Variants in PTPN3 observed in about 807,000 individuals in gnomAD.
The protein encoded by PTPN3 is tyrosine-protein phosphatase non-receptor type 3.
PTPN3 carries 96 observed loss-of-function variants against 132.7 expected under a neutral mutation model. The observed-to-expected ratio is 0.72, with a 90% CI of 0.61 to 0.86. PTPN3 has a LOEUF of 0.86. Among genes scored for constraint, PTPN3 ranks in the 40% least tolerant of loss-of-function variants. The probability of loss-of-function intolerance (pLI) is 0.00; values close to 1 mark genes in which losing one functional copy is unlikely to be tolerated. For synonymous variants in PTPN3, 398 were observed against 429.0 expected, an observed-to-expected ratio of 0.93 and a Z score of 0.89; for missense variants, 1,125 against 1,159.6, an observed-to-expected ratio of 0.97 and a Z score of 0.43.
chr9:109,458,719 A>G (rs1447563664), intron 2 of PTPN3, among the ~76,000 whole-genome samples: 2 of 152,170 alleles, frequency 1.3e-5, no homozygotes, highest in Non-Finnish European at 2.9e-5. Flanking sequence ...CCAGGGCACC[A>G]TCCATCAGAA....
chr9:109,479,689 C>T (rs1846867271), intron 1 of PTPN3, among the ~76,000 whole-genome samples: 1 of 152,176 alleles, frequency 6.6e-6, no homozygotes, highest in South Asian at 2.1e-4. Context: ...AATGGATCTT[C>T]CCATCTCAGC....
the PTPN3 span, among the ~76,000 whole-genome samples, chr9:109,513,255 A>G: frequency 1.3e-5 from 2 of 152,154 alleles, no homozygotes; most frequent in East Asian, 3.9e-4. Flanking sequence ...CCTGGCCTCA[A>G]ATGATCCTCC....
At chr9:109,476,406 G>A (rs1412380877) in intron 1 of PTPN3, among the ~76,000 whole-genome samples, 3 of 151,768 alleles carry the variant, frequency 2.0e-5, no homozygotes, top group East Asian at 1.9e-4. Flanking sequence ...CAAAAGGAAT[G>A]TATAATTGCT....
In PTPN3 at chr9:109,498,051, C is replaced by A. The variant is rs1847761193; in HGVS notation, c.-18+168G>T. Reference sequence around the variant, plus strand: ...TGAGCGCAGCGGGGCGCCCCCTCCCCGCCCCGACGTGGTGCGGGGATCCCG... The same window carrying A: ...TGAGCGCAGCGGGGCGCCCCCTCCCAGCCCCGACGTGGTGCGGGGATCCCG... On this transcript the variant is annotated intron_variant, in intron 1 of 25. Transcript: ENST00000374541. The surrounding 1 kb of genome is among the most constrained non-coding windows in gnomAD (Gnocchi z 4.2). Among the ~76,000 whole-genome samples the A allele has an allele frequency of 6.9e-6, 1 of 145,584 alleles. No homozygotes were observed. Among genetic ancestry groups the A allele is most frequent in the African/African-American group, 2.5e-5 (1 of 40,682 alleles).
chr9:109,472,002 C>T (rs1588482462), intron 1 of PTPN3, among the ~76,000 whole-genome samples: 1 of 152,160 alleles, frequency 6.6e-6, no homozygotes, highest in Admixed American at 6.5e-5. Context: ...CAAGTCACCT[C>T]CCAGAGCTAA....
intron 22 of PTPN3, among the ~76,000 whole-genome samples, chr9:109,387,955 T>C (rs1839740241): frequency 6.6e-6 from 1 of 152,148 alleles, no homozygotes; most frequent in South Asian, 2.1e-4. Flanking sequence ...TGGGGAAGTG[T>C]CCTACTGACC....
rs141931751 is a variant in PTPN3 at position 109,444,114 on chromosome 9, T to G, written c.466+1126A>C. Among the ~76,000 whole-genome samples the G allele has an allele frequency of 1.1e-3, 171 of 152,336 alleles. 2 individuals carry two copies. Among genetic ancestry groups the G allele is most frequent in the Admixed American group, 4.1e-3 (62 of 15,304 alleles). ...TGCCTGCTCTCAGACCTGATCATCT[T>G]GCTGCCTTATCTATCTATCACACAG... is the stretch of plus-strand genomic sequence containing the variant. On this transcript the variant is annotated intron_variant, in intron 7 of 25. Coordinates refer to ENST00000374541, the MANE Select transcript of PTPN3 (RefSeq NM_002829.4).
chr9:109,493,648 A>G (rs1847555951), intron 1 of PTPN3, among the ~76,000 whole-genome samples: 1 of 152,234 alleles, frequency 6.6e-6, no homozygotes, highest in Non-Finnish European at 1.5e-5. Flanking sequence ...AGTGGCACAC[A>G]CATTCTTTTT....
intron 5 of PTPN3, among the ~76,000 whole-genome samples, chr9:109,453,418 C>T (rs990360409): frequency 2.6e-5 from 4 of 152,132 alleles, no homozygotes; most frequent in African/African-American, 7.2e-5. Flanking sequence ...AAGGGCTTAA[C>T]GTTGCCACAG....
At chr9:109,408,181 G>T (rs1055248859) in intron 17 of PTPN3, 140 bp downstream of exon 17, 5 of 597,160 alleles carry the variant, frequency 8.4e-6, no homozygotes, top group African/African-American at 5.6e-5. Context: ...GAGCCGCAAG[G>T]TTATAGAAAA....
chr9:109,385,786 C>T (rs532973952), intron 22 of PTPN3, among the ~76,000 whole-genome samples: 2 of 152,310 alleles, frequency 1.3e-5, no homozygotes, highest in South Asian at 2.1e-4. Context: ...CTGCTGGGGA[C>T]GAGACCCTGG....
At chr9:109,390,257 G>C (rs117715338) in intron 21 of PTPN3, among the ~76,000 whole-genome samples, 2,621 of 152,234 alleles carry the variant, frequency 0.017, 37 homozygotes, top group Non-Finnish European at 0.028. Flanking sequence ...TTTTTATTAG[G>C]GCATTTCTTG....
At chr9:109,500,556 A>T (rs954499134), upstream of PTPN3, among the ~76,000 whole-genome samples, 2 of 152,156 alleles carry the variant, frequency 1.3e-5, no homozygotes, top group East Asian at 1.9e-4. Flanking sequence ...TAGTTGAAAT[A>T]ATAACTATCT....
chr9:109,417,318 C>G (rs979793077), intron 14 of PTPN3, among the ~76,000 whole-genome samples: 2 of 152,224 alleles, frequency 1.3e-5, no homozygotes, highest in Admixed American at 6.5e-5. Context: ...TCTAACCGCT[C>G]TTTTTCTTTC....
intron 2 of PTPN3, among the ~76,000 whole-genome samples, chr9:109,459,879 C>T (rs574609614): frequency 6.6e-6 from 1 of 152,226 alleles, no homozygotes; most frequent in Non-Finnish European, 1.5e-5. Flanking sequence ...GCCTGCTCCT[C>T]ACCTCTCCTA....
At chr9:109,486,727 TCTCA>T (rs1481391719) in intron 1 of PTPN3, among the ~76,000 whole-genome samples, 1 of 152,172 alleles carries the variant, frequency 6.6e-6, no homozygotes, top group African/African-American at 2.4e-5. Context: ...CCCACACAAA[TCTCA>T]CTGAGTTGTA....
intron 1 of PTPN3, among the ~76,000 whole-genome samples, chr9:109,497,044 G>A (rs770405661): frequency 9.9e-5 from 15 of 152,158 alleles, no homozygotes; most frequent in Non-Finnish European, 1.9e-4. Context: ...GAAGCCAACT[G>A]CCAACTTCTG....
In PTPN3 at chr9:109,383,464, T is replaced by C. The variant is rs1210977615; in HGVS notation, c.2341A>G (p.Ile781Val). The C allele has an allele frequency of 6.2e-7, 1 of 1,613,902 alleles. No individual in the cohort carries two copies. The highest frequency in any genetic ancestry group is 8.5e-7 in the Non-Finnish European group (1 of 1,180,004). ...HIQCQSEDCT[I>V]AYVSREMLVT... ...AGCATTTCTCGGGACACATAGGCGA[T>C]GGTGCAGTCCTCTGACTGACACTGG... The change falls in exon 23 of 26, where the codon ATC (isoleucine) becomes GTC (valine). Residue 781 changes from isoleucine (I) to valine (V), a missense_variant. Coordinates refer to ENST00000374541, the MANE Select transcript of PTPN3 (RefSeq NM_002829.4).
chr9:109,396,657 A>G (rs1422770565), intron 19 of PTPN3, among the ~76,000 whole-genome samples: 1 of 152,232 alleles, frequency 6.6e-6, no homozygotes, highest in Non-Finnish European at 1.5e-5. Flanking sequence ...ACGGTAAATT[A>G]TAAAAAGTTC....
Sources: gnomAD v4.1 joint callset for allele counts (sites outside exome capture counted in the v4.1 genomes callset) on GRCh38, gnomAD v4.1.1 for gene constraint, Gnocchi (gnomAD v3.1) non-coding constraint, MANE v1.5 for transcripts, NCBI Gene and HGNC (gene_info 2026-07-23, HGNC 2026-07-21) for gene names.